FNIP1: variants seen among roughly 807,000 people sequenced by gnomAD.
FNIP1 encodes folliculin-interacting protein 1.
In FNIP1, 40 loss-of-function variants were observed where a neutral mutation model predicts 124.5. The observed-to-expected ratio is 0.32, with a 90% CI of 0.25 to 0.42. FNIP1 has a LOEUF of 0.42. Among genes scored for constraint, FNIP1 ranks in the 10% least tolerant of loss-of-function variants. FNIP1 has a pLI of 1.00. For missense variants in FNIP1, 1,176 were observed against 1,403.7 expected (o/e 0.84, Z 2.59); for synonymous variants, 472 against 470.6 (o/e 1.00, Z -0.04).
chr5:131,681,239 G>T (rs1368344412), intron 11 of FNIP1, among the ~76,000 whole-genome samples: 1 of 152,078 alleles, frequency 6.6e-6, no homozygotes. Context: ...ATGGGATTGT[G>T]GGGGGCGGTG....
At chr5:131,679,275 G>T (rs1768002471) in intron 11 of FNIP1, 100 bp from the exon 12 acceptor site, 3 of 711,648 alleles carry the variant, frequency 4.2e-6, no homozygotes, top group Non-Finnish European at 7.3e-6. Flanking sequence ...CTTACATCTA[G>T]ATTATTAAAG....
At chr5:131,736,334 T>A (rs1770303265) in intron 2 of FNIP1, among the ~76,000 whole-genome samples, 1 of 152,166 alleles carries the variant, frequency 6.6e-6, no homozygotes, top group Non-Finnish European at 1.5e-5. Context: ...AACGTGAAGC[T>A]CAAACAGGTT....
chr5:131,653,539 C>CAAAAAAAAAAAAAAAAAAAAAA (rs79417004), intron 15 of FNIP1, among the ~76,000 whole-genome samples: 1 of 114,466 alleles, frequency 8.7e-6, no homozygotes. Context: ...AATTCCGTCT[C>CAAAAAAAAAAAAAAAAAAAAAA]AAAAAAAAAA....
chr5:131,705,667 A>C (rs1457882775), intron 9 of FNIP1, among the ~76,000 whole-genome samples: 1 of 152,180 alleles, frequency 6.6e-6, no homozygotes, highest in Non-Finnish European at 1.5e-5. Context: ...GTAACCATGG[A>C]AAACAGTGTG....
intron 1 of FNIP1, among the ~76,000 whole-genome samples, chr5:131,756,855 A>G (rs935866445): frequency 6.6e-6 from 1 of 152,172 alleles, no homozygotes; most frequent in Non-Finnish European, 1.5e-5. Flanking sequence ...AGCCCAAGAA[A>G]AGCAAAAGGA....
intron 1 of FNIP1, among the ~76,000 whole-genome samples, chr5:131,768,890 T>A (rs1484099055): frequency 6.6e-6 from 1 of 152,162 alleles, no homozygotes; most frequent in Non-Finnish European, 1.5e-5. Flanking sequence ...CTCAAATGAC[T>A]AAGTGGGGAC....
rs779664769 is a variant in FNIP1, at chr5:131,744,632, C to T, written c.151G>A (p.Glu51Lys). 1.2e-6 allele frequency: 2 copies of T among 1,612,592 alleles called. No homozygotes were observed. Among genetic ancestry groups the T allele is most frequent in the Admixed American group, 3.3e-5 (2 of 59,844 alleles). ...QIRLIVYQDC[E>K]RRGRNVLFDS... ...AACAAAACATTTCTCCCTCGTCTTT[C>T]ACAGTCTTGATATACAATCAGTCGA... Residue 51 changes from glutamate (E) to lysine (K), a missense_variant, in exon 2 of 18, where the codon GAA becomes AAA. Physicochemically the swap from Glu to Lys is moderately conservative, Grantham distance 56. Around this residue, in one of 2 missense-constraint regions of FNIP1, gnomAD observed 1,109 missense variants for 1,288.5 expected, o/e 0.86. Transcript: ENST00000510461.
At chr5:131,659,765 T>A (rs1379098658) in intron 15 of FNIP1, among the ~76,000 whole-genome samples, 1 of 152,184 alleles carries the variant, frequency 6.6e-6, no homozygotes, top group African/African-American at 2.4e-5. Context: ...CTGAGTCATC[T>A]TCTTGTGGTT....
chr5:131,744,982 T>C (rs1401510024), intron 1 of FNIP1, among the ~76,000 whole-genome samples: 4 of 151,822 alleles, frequency 2.6e-5, no homozygotes, highest in African/African-American at 9.7e-5. Flanking sequence ...TATACATAAG[T>C]ATATTTAACA....
chr5:131,658,788 T>C (rs1327281164), intron 15 of FNIP1, among the ~76,000 whole-genome samples: 4 of 150,778 alleles, frequency 2.7e-5, no homozygotes, highest in African/African-American at 9.7e-5. Flanking sequence ...GAATGACTAT[T>C]AGAAAAAAGA....
intron 1 of FNIP1, among the ~76,000 whole-genome samples, chr5:131,749,789 A>G (rs1415917596): frequency 6.6e-6 from 1 of 152,032 alleles, no homozygotes; most frequent in African/African-American, 2.4e-5. Flanking sequence ...AACTCCCTAC[A>G]GTGTTCAGCA....
At chr5:131,677,465 A>G (rs1767943680) in intron 13 of FNIP1, 1 of 410,706 alleles carries the variant, frequency 2.4e-6, no homozygotes. Flanking sequence ...AGTTACTAGT[A>G]AACGAGCTAT....
chr5:131,745,388 C>A (rs1770643272), intron 1 of FNIP1, among the ~76,000 whole-genome samples: 1 of 152,030 alleles, frequency 6.6e-6, no homozygotes, highest in African/African-American at 2.4e-5. Context: ...GGCATGGCAG[C>A]ACACATCTGT....
intron 1 of FNIP1, chr5:131,796,451 C>T (rs1580848050): frequency 4.4e-6 from 1 of 229,524 alleles, no homozygotes; most frequent in East Asian, 1.0e-4. Flanking sequence ...AACTTCGCGG[C>T]CCGGAGTACG....
intron 6 of FNIP1, among the ~76,000 whole-genome samples, chr5:131,711,970 C>T (rs1769306465): frequency 6.6e-6 from 1 of 152,176 alleles, no homozygotes; most frequent in African/African-American, 2.4e-5. Flanking sequence ...CCTTCCCTAC[C>T]TCTTCTTCTC....
intron 15 of FNIP1, among the ~76,000 whole-genome samples, chr5:131,653,778 C>G (rs978595177): frequency 6.6e-6 from 1 of 152,152 alleles, no homozygotes; most frequent in Non-Finnish European, 1.5e-5. Context: ...CACTCTGTCA[C>G]CAGCCTAGGC....
intron 13 of FNIP1, among the ~76,000 whole-genome samples, chr5:131,674,301 T>C (rs755390988): frequency 2.6e-5 from 4 of 152,190 alleles, no homozygotes; most frequent in Non-Finnish European, 4.4e-5. Flanking sequence ...TTTGAATCCA[T>C]TCTAAACATG....
At chr5:131,668,546 G>A (rs1238607497) in intron 15 of FNIP1, among the ~76,000 whole-genome samples, 2 of 152,104 alleles carry the variant, frequency 1.3e-5, no homozygotes, top group African/African-American at 2.4e-5. Flanking sequence ...TTAGGCAGGT[G>A]TGGTGGTGGG....
chr5:131,680,648 T>TGGTG (rs896320931), intron 11 of FNIP1, among the ~76,000 whole-genome samples: 5 of 152,098 alleles, frequency 3.3e-5, no homozygotes, highest in Non-Finnish European at 7.3e-5. Flanking sequence ...CAGCTGGGTG[T>TGGTG]GGTGGCTCAC....
Sources: gnomAD v4.1 joint callset for allele counts (sites outside exome capture counted in the v4.1 genomes callset) on GRCh38, gnomAD v4.1.1 for gene constraint, gnomAD v4.1.1 regional missense constraint, MANE v1.5 for transcripts, NCBI Gene and HGNC (gene_info 2026-07-23, HGNC 2026-07-21) for gene names.